The following ELOVL3 variants were observed in gnomAD, a reference collection of about 807,000 sequenced individuals.
ELOVL3 encodes very long chain fatty acid elongase 3.
Under a neutral mutation model 14.9 loss-of-function variants are expected in ELOVL3, and 11 were observed. The ratio of observed to expected loss-of-function variants is 0.74; its 90% CI spans 0.46 to 1.22. The LOEUF (loss-of-function observed/expected upper bound fraction) is 1.22. ELOVL3 is among the 50% of genes most tolerant of loss of function. The pLI is 0.00. For missense variants in ELOVL3, 277 were observed against 338.9 expected (o/e 0.82, Z 1.43); for synonymous variants, 117 against 124.7 (o/e 0.94, Z 0.41).
upstream of ELOVL3, among the ~76,000 whole-genome samples, chr10:102,225,993 A>T (rs551954088): frequency 6.6e-6 from 1 of 152,008 alleles, no homozygotes; most frequent in East Asian, 1.9e-4. Flanking sequence ...TCTGGGTGGG[A>T]GCACCAAAGC....
At chr10:102,225,308 T>TA (rs2070128551), upstream of ELOVL3, among the ~76,000 whole-genome samples, 1 of 152,200 alleles carries the variant, frequency 6.6e-6, no homozygotes, top group African/African-American at 2.4e-5. Context: ...GTTCAGGAAA[T>TA]AGAGCTGGGG....
At chr10:102,228,348 G>T (rs1304586671) in intron 2 of ELOVL3, 69 bp from the exon 3 acceptor site, 2 of 1,556,002 alleles carry the variant, frequency 1.3e-6, no homozygotes, top group Non-Finnish European at 1.7e-6. Flanking sequence ...ACCTGGCCAA[G>T]CCGGGGGAAG....
Position 102,226,417 on chromosome 10 carries a change from C to T in ELOVL3, c.-132C>T. ...CGCGCACATGCCTAGGTTCGACGCC[C>T]TCCTCCCTTTGCCCAGGAGTTCCTT... On this transcript the variant is annotated 5_prime_UTR_variant, in exon 1 of 4. Coordinates refer to ENST00000370005, the MANE Select transcript of ELOVL3 (RefSeq NM_152310.3). 1.6e-6 allele frequency: 1 copy of T among 628,820 alleles called. No individual in the cohort carries two copies. The highest frequency in any genetic ancestry group is 3.0e-5 in the Admixed American group (1 of 32,850). 39.0% of individuals were successfully genotyped at this position (628,820 alleles called of 1,614,324 possible).
In ELOVL3 at chr10:102,226,581, A is replaced by G. The variant is rs749830592; in HGVS notation, c.33A>G (p.Val11=). The change falls in exon 1 of 4, where the codon GTA becomes GTG. Residue 11 remains valine, a synonymous_variant. Transcript: ENST00000370005. MVTAMNVSHE[V]NQLFQPYNFE... ...CAGCCATGAATGTCTCACATGAAGT[A>G]AATCAGCTGTTCCAGCCCTATAACT... 20 of 1,613,942 alleles carry G rather than the reference A, an allele frequency of 1.2e-5. No individual in the cohort carries two copies. The highest frequency in any genetic ancestry group is 8.5e-7 in the Non-Finnish European group (1 of 1,179,984).
chr10:102,228,774 G>A (rs2133791488), intron 3 of ELOVL3, 51 bp from the exon 4 acceptor site: 1 of 1,547,376 alleles, frequency 6.5e-7, no homozygotes, highest in East Asian at 2.3e-5. Flanking sequence ...CCAGTGCAGA[G>A]GGTGGTCCCA....
chr10:102,228,370 G>C, intron 2 of ELOVL3, 47 bp from the exon 3 acceptor site: 2 of 1,592,314 alleles, frequency 1.3e-6, no homozygotes, highest in Non-Finnish European at 1.7e-6. Context: ...GTGGATTATT[G>C]GTGCCTGGGG....
chr10:102,226,608 C>T lies in ELOVL3; in HGVS notation c.60C>T (p.Phe20=). The change falls in exon 1 of 4, where the codon TTC becomes TTT. Residue 20 remains phenylalanine, a synonymous_variant. Coordinates refer to ENST00000370005, the MANE Select transcript of ELOVL3 (RefSeq NM_152310.3). ...EVNQLFQPYN[F]ELSKDMRPFF... is the part of the protein sequence containing the mutation. ...ATCAGCTGTTCCAGCCCTATAACTTCGAGCTGTCCAAGGACATGAGGCCCT... is the reference window on the plus strand; with the variant it reads ...ATCAGCTGTTCCAGCCCTATAACTTTGAGCTGTCCAAGGACATGAGGCCCT... The T allele has an allele frequency of 6.2e-7, 1 of 1,614,046 alleles. No individual in the cohort carries two copies. The highest frequency in any genetic ancestry group is 1.3e-5 in the African/African-American group (1 of 75,044).
chr10:102,228,100 A>G (rs1023127812), intron 2 of ELOVL3, among the ~76,000 whole-genome samples: 5 of 151,330 alleles, frequency 3.3e-5, no homozygotes, highest in Non-Finnish European at 4.4e-5. Flanking sequence ...TTCTCCCCCA[A>G]ACTCCTTCAG....
rs770408855 is a variant in ELOVL3, at chr10:102,226,511, C to A, written c.-38C>A. ...CTCGGAGCCCCAGCCTTTCACCCAGCGCCTCCAAGCTTTGGACCTTGACTT... is the reference window on the plus strand; with the variant it reads ...CTCGGAGCCCCAGCCTTTCACCCAGAGCCTCCAAGCTTTGGACCTTGACTT... On this transcript the variant is annotated 5_prime_UTR_variant, in exon 1 of 4. Transcript: ENST00000370005. 2 of 1,467,778 alleles carry A rather than the reference C, an allele frequency of 1.4e-6. No homozygotes were observed. Among genetic ancestry groups the A allele is most frequent in the Non-Finnish European group, 1.9e-6 (2 of 1,048,256 alleles). 90.9% of individuals were successfully genotyped at this position (1,467,778 alleles called of 1,614,324 possible).
At chr10:102,227,274 A>G (rs1590402642) in intron 1 of ELOVL3, among the ~76,000 whole-genome samples, 1 of 152,200 alleles carries the variant, frequency 6.6e-6, no homozygotes, top group South Asian at 2.1e-4. Flanking sequence ...GGGAGAAGCT[A>G]TTGCCACACT....
At position 102,228,421 on chromosome 10, in the gene ELOVL3, C is replaced by T. The variant is rs1157335470; in HGVS notation, c.238C>T (p.Leu80=). ...TCTTCCTTTGTCCCATTTCAGTATC[C>T]TGGGGGCAGTGAGGATGTGGGGCAT... is the stretch of plus-strand genomic sequence containing the variant. The part of the protein sequence containing the change: ...WSFCLAIFSI[L]GAVRMWGIMG... The change falls in exon 3 of 4, where the codon CTG becomes TTG. Residue 80 remains leucine, a synonymous_variant. Coordinates refer to ENST00000370005, the MANE Select transcript of ELOVL3 (RefSeq NM_152310.3). 1 of 1,613,734 alleles carries T rather than the reference C, an allele frequency of 6.2e-7. No homozygotes were observed. The highest frequency in any genetic ancestry group is 8.5e-7 in the Non-Finnish European group (1 of 1,179,862).
At position 102,228,535 on chromosome 10, in the gene ELOVL3, T is replaced by C. The variant is rs1590403320; in HGVS notation, c.352T>C (p.Trp118Arg). 1 of 1,614,184 alleles carries C rather than the reference T, an allele frequency of 6.2e-7. No homozygotes were observed. The highest frequency in any genetic ancestry group is 8.5e-7 in the Non-Finnish European group (1 of 1,180,024). Residue 118 changes from tryptophan to arginine, a missense_variant, in exon 3 of 4, where the codon TGG becomes CGG. Coordinates refer to ENST00000370005, the MANE Select transcript of ELOVL3 (RefSeq NM_152310.3). ...TAATTCCACAGTCAAATTCTGGTCC[T>C]GGGTCTTTCTTCTCAGCAAGGTCAT... is the stretch of plus-strand genomic sequence containing the variant. ...IDNSTVKFWS[W>R]VFLLSKVIEL...
rs951103794 is a variant in ELOVL3, at chr10:102,226,460, C to T, written c.-89C>T. 4.4e-6 allele frequency: 4 copies of T among 899,058 alleles called. No homozygotes were observed. In the African/African-American group the frequency reaches 6.6e-5, roughly 15 times the overall value. The allele number at this position is 899,058 out of a possible 1,614,324, so 55.7% of individuals were successfully genotyped here. A position where few individuals can be genotyped will look rare whatever the true frequency, so the allele number is the denominator to read the frequency against. On this transcript the variant is annotated 5_prime_UTR_variant, in exon 1 of 4. Transcript: ENST00000370005. ...AGTTCCTTCTGTCCCGGCTCTGTTC[C>T]GTCTCGCCCCGAGGTTCACGCCATC...
chr10:102,224,943 G>A (rs897328657), upstream of ELOVL3, among the ~76,000 whole-genome samples: 2 of 152,122 alleles, frequency 1.3e-5, no homozygotes, highest in African/African-American at 2.4e-5. Flanking sequence ...GATTACAGGC[G>A]TGAACCACCG....
In ELOVL3 at chr10:102,226,350, A is replaced by C; in HGVS notation, c.-199A>C. On this transcript the variant is annotated 5_prime_UTR_variant, in exon 1 of 4. Coordinates refer to ENST00000370005, the MANE Select transcript of ELOVL3 (RefSeq NM_152310.3). ...GCAGGCAGCTTTGCAAGTCCGCGTT[A>C]TATATCGCAGTGGCTGCGCCCGGGA... 3.6e-6 allele frequency: 2 copies of C among 555,464 alleles called. No individual in the cohort carries two copies. The highest frequency in any genetic ancestry group is 6.4e-6 in the Non-Finnish European group (2 of 312,084). The allele number at this position is 555,464 out of a possible 1,614,324, so 34.4% of individuals were successfully genotyped here.
chr10:102,228,865 C>T lies in ELOVL3; in HGVS notation c.426C>T (p.Ile142=). 1 of 1,613,974 alleles carries T rather than the reference C, an allele frequency of 6.2e-7. No homozygotes were observed. Among genetic ancestry groups the T allele is most frequent in the African/African-American group, 1.3e-5 (1 of 75,052 alleles). Residue 142 remains isoleucine, a synonymous_variant, in exon 4 of 4, where the codon ATC becomes ATT. Coordinates refer to ENST00000370005, the MANE Select transcript of ELOVL3 (RefSeq NM_152310.3). ...TCATCCTGCGTAAGCGGCCACTCAT[C>T]TTTATTCACTGGTACCACCACAGCA... is the stretch of plus-strand genomic sequence containing the variant. ...AFIILRKRPL[I]FIHWYHHSTV...
intron 2 of ELOVL3, 121 bp downstream of exon 2, chr10:102,227,878 C>T (rs1474782058): frequency 9.0e-7 from 1 of 1,106,610 alleles, no homozygotes; most frequent in Non-Finnish European, 1.3e-6. Context: ...AACACTCTCC[C>T]CATCTCATTC....
At position 102,226,539 on chromosome 10, in the gene ELOVL3, G is replaced by A. The variant is rs762812795; in HGVS notation, c.-10G>A. On this transcript the variant is annotated 5_prime_UTR_variant, in exon 1 of 4. Transcript: ENST00000370005. ...CTCCAAGCTTTGGACCTTGACTTCT[G>A]CAAAACTAGATGGTCACAGCCATGA... 2.8e-5 allele frequency: 45 copies of A among 1,610,812 alleles called. No homozygotes were observed. The highest frequency in any genetic ancestry group is 3.7e-5 in the Non-Finnish European group (44 of 1,177,414).
At position 102,226,665 on chromosome 10, in the gene ELOVL3, A is replaced by G. The variant is rs1416642671; in HGVS notation, c.101+16A>G. On this transcript the variant is annotated intron_variant, in intron 1 of 3. Transcript: ENST00000370005. ...AGGAGTATTGGTGAGACTTTGGGAG[A>G]GGGAAAGGCCATGCCAGGGCCCCGG... The G allele has an allele frequency of 6.2e-7, 1 of 1,602,080 alleles. No individual in the cohort carries two copies. The highest frequency in any genetic ancestry group is 1.7e-5 in the Admixed American group (1 of 59,568).
Sources: gnomAD v4.1 joint callset for allele counts (sites outside exome capture counted in the v4.1 genomes callset) on GRCh38, gnomAD v4.1.1 for gene constraint, MANE v1.5 for transcripts, NCBI Gene and HGNC (gene_info 2026-07-23, HGNC 2026-07-21) for gene names.